Variants in MUC7 observed in about 807,000 individuals in gnomAD.
MUC7 encodes the protein mucin-7.
MUC7 carries 2 observed loss-of-function variants against 2.5 expected under a neutral mutation model. The ratio of observed to expected loss-of-function variants is 0.81; its 90% confidence interval spans 0.33 to 2.55. The LOEUF is 2.55. MUC7 is among the 30% of genes most tolerant of loss of function. The pLI is 0.11. For missense variants in MUC7, 408 were observed against 455.6 expected (o/e 0.90, Z 0.95); for synonymous variants, 133 against 173.4 (o/e 0.77, Z 1.83).
At chr4:70,464,317 G>T (rs1334102747) in intron 1 of MUC7, among the ~76,000 whole-genome samples, 1 of 152,162 alleles carries the variant, frequency 6.6e-6, no homozygotes. Context: ...GCAAAATTGG[G>T]TGGTCATTTG....
At chr4:70,480,454 T>C (rs190767474) in intron 2 of MUC7, among the ~76,000 whole-genome samples, 86 of 152,286 alleles carry the variant, frequency 5.6e-4, no homozygotes, top group Middle Eastern at 3.4e-3. Context: ...AGGAAGCTTT[T>C]GTGATGGGAC....
chr4:70,450,581 AG>A (rs1734255635), intron 1 of MUC7, among the ~76,000 whole-genome samples: 1 of 152,184 alleles, frequency 6.6e-6, no homozygotes, highest in Non-Finnish European at 1.5e-5. Context: ...CAAGTCTCAG[AG>A]GCTCACCCAA....
intron 1 of MUC7, among the ~76,000 whole-genome samples, chr4:70,442,181 C>A (rs1399434774): frequency 6.6e-6 from 1 of 152,214 alleles, no homozygotes; most frequent in Non-Finnish European, 1.5e-5. Context: ...AAAATGCTAT[C>A]ATACTTTGGG....
chr4:70,444,475 G>A (rs956945979), intron 1 of MUC7, among the ~76,000 whole-genome samples: 1 of 152,038 alleles, frequency 6.6e-6, no homozygotes, highest in African/African-American at 2.4e-5. Context: ...CTACTACCCA[G>A]TCCTCTACTT....
At chr4:70,453,261 G>A (rs570647437) in intron 1 of MUC7, among the ~76,000 whole-genome samples, 1 of 152,326 alleles carries the variant, frequency 6.6e-6, no homozygotes, top group East Asian at 1.9e-4. Flanking sequence ...CTGTAGTCCA[G>A]GAAACAGGGA....
At chr4:70,462,798 C>A (rs1734587825) in intron 1 of MUC7, among the ~76,000 whole-genome samples, 1 of 95,754 alleles carries the variant, frequency 1.0e-5, no homozygotes, top group African/African-American at 3.6e-5. Flanking sequence ...CATAGCAAGA[C>A]CCTATCTCTA....
At chr4:70,460,650 C>T (rs1200198860) in intron 1 of MUC7, among the ~76,000 whole-genome samples, 8 of 152,128 alleles carry the variant, frequency 5.3e-5, no homozygotes, top group Middle Eastern at 3.4e-3. Flanking sequence ...TTTTGATGTG[C>T]TGTGCCATCT....
intron 1 of MUC7, among the ~76,000 whole-genome samples, chr4:70,436,146 A>C (rs1733826135): frequency 6.6e-6 from 1 of 151,988 alleles, no homozygotes; most frequent in Non-Finnish European, 1.5e-5. Context: ...TTTTGCCTTC[A>C]TTTCAACCTT....
chr4:70,441,647 A>C (rs549948562), intron 1 of MUC7, among the ~76,000 whole-genome samples: 2 of 152,360 alleles, frequency 1.3e-5, no homozygotes, highest in African/African-American at 4.8e-5. Context: ...TCTGAAAGGC[A>C]TTGAGAAGGA....
rs1477463860 is a variant in MUC7, at chr4:70,474,014, C to T, written c.-8C>T. On this transcript the variant is annotated 5_prime_UTR_variant, in exon 2 of 3. Transcript: ENST00000304887. Reference sequence around the variant, plus strand: ...CATTTCTGCTTTTCCCAGGAGACATCAGAAAGAATGAAAACTCTGCCGCTG... The same window carrying T: ...CATTTCTGCTTTTCCCAGGAGACATTAGAAAGAATGAAAACTCTGCCGCTG... 1.2e-6 allele frequency: 2 copies of T among 1,611,420 alleles called. No individual in the cohort carries two copies. Among genetic ancestry groups the T allele is most frequent in the African/African-American group, 1.3e-5 (1 of 74,958 alleles).
chr4:70,475,993 G>A (rs1413681054), intron 2 of MUC7, among the ~76,000 whole-genome samples: 1 of 152,056 alleles, frequency 6.6e-6, no homozygotes, highest in African/African-American at 2.4e-5. Flanking sequence ...AGAAGATGTG[G>A]GCTTAAACTC....
intron 1 of MUC7, among the ~76,000 whole-genome samples, chr4:70,453,377 C>T (rs568324314): frequency 6.6e-6 from 1 of 152,316 alleles, no homozygotes; most frequent in South Asian, 2.1e-4. Flanking sequence ...CTCCTCTTTT[C>T]AAAGGTGGAG....
intron 1 of MUC7, among the ~76,000 whole-genome samples, chr4:70,432,781 G>T (rs546914731): frequency 1.3e-5 from 2 of 152,242 alleles, no homozygotes; most frequent in East Asian, 3.9e-4. Context: ...CATTGCTTTT[G>T]GTGTAGACAT....
Position 70,481,899 on chromosome 4 carries a change from G to A in MUC7, c.*21G>A, listed in dbSNP as rs1336946663. 6.2e-6 allele frequency: 10 copies of A among 1,601,206 alleles called. No homozygotes were observed. Among genetic ancestry groups the A allele is most frequent in the Non-Finnish European group, 8.5e-6 (10 of 1,173,356 alleles). The stretch of plus-strand genomic sequence containing the variant: ...AATAGTATATTGTATGTTGTAAAGT[G>A]TTCTGTCATTTACAAGATGTGATTC... On this transcript the variant is annotated 3_prime_UTR_variant, in exon 3 of 3. Transcript: ENST00000304887.
Position 70,482,100 on chromosome 4 carries a change from A to C in MUC7, c.*222A>C. On this transcript the variant is annotated 3_prime_UTR_variant, in exon 3 of 3. Transcript: ENST00000304887. ...AGATGCAGGTCTGGGGTTCAAAATA[A>C]CTCTTTGGATCCTACAGAGATAGCC... 1 of 569,956 alleles carries C rather than the reference A, an allele frequency of 1.8e-6. No homozygotes were observed. Among genetic ancestry groups the C allele is most frequent in the Non-Finnish European group, 3.0e-6 (1 of 331,990 alleles). 35.3% of individuals were successfully genotyped at this position (569,956 alleles called of 1,614,324 possible).
chr4:70,445,958 AT>A (rs1734124045), intron 1 of MUC7, among the ~76,000 whole-genome samples: 1 of 152,128 alleles, frequency 6.6e-6, no homozygotes, highest in South Asian at 2.1e-4. Context: ...GTTCAAATGA[AT>A]CAATTAGACA....
intron 1 of MUC7, among the ~76,000 whole-genome samples, chr4:70,431,127 A>G (rs1468438771): frequency 6.6e-6 from 1 of 152,180 alleles, no homozygotes; most frequent in Non-Finnish European, 1.5e-5. Context: ...GAAGAAAAAA[A>G]GACCACAAAA....
intron 1 of MUC7, among the ~76,000 whole-genome samples, chr4:70,451,623 G>T (rs1734282995): frequency 6.6e-6 from 1 of 152,038 alleles, no homozygotes; most frequent in Non-Finnish European, 1.5e-5. Context: ...GGTCAGAGAA[G>T]ATGTTTGATA....
At chr4:70,473,425 C>T (rs1048737399) in intron 1 of MUC7, among the ~76,000 whole-genome samples, 11 of 144,064 alleles carry the variant, frequency 7.6e-5, no homozygotes, top group Non-Finnish European at 1.4e-4. Flanking sequence ...GCCTGGACAA[C>T]AGAGCGAGAC....
Sources: gnomAD v4.1 joint callset for allele counts (sites outside exome capture counted in the v4.1 genomes callset) on GRCh38, gnomAD v4.1.1 for gene constraint, MANE v1.5 for transcripts, NCBI Gene and HGNC (gene_info 2026-07-23, HGNC 2026-07-21) for gene names.